The following KCNMA1 variants were observed in gnomAD, a reference collection of about 807,000 sequenced individuals.
The protein encoded by KCNMA1 is potassium calcium-activated channel subfamily M alpha 1.
Under a neutral mutation model 140.0 loss-of-function variants are expected in KCNMA1, and 29 were observed. That is an observed-to-expected ratio of 0.21 (90% CI 0.15 to 0.28). The LOEUF (loss-of-function observed/expected upper bound fraction) is 0.28, where lower values mean the gene tolerates loss of function less well. KCNMA1 is among the 10% of genes least tolerant of loss of function. KCNMA1 has a pLI of 1.00. For missense variants in KCNMA1, 880 were observed against 1,602.2 expected (o/e 0.55, Z 7.70); for synonymous variants, 612 against 611.9 (o/e 1.00, Z 0.00).
chr10:77,336,287 T>C (rs1372453986), intron 2 of KCNMA1, among the ~76,000 whole-genome samples: 1 of 152,050 alleles, frequency 6.6e-6, no homozygotes, highest in Non-Finnish European at 1.5e-5. Context: ...CCACAGAGGA[T>C]CCTGCCCTAA....
At chr10:77,171,396 T>TGTGTGC (rs759762508) in intron 5 of KCNMA1, among the ~76,000 whole-genome samples, 1 of 72,282 alleles carries the variant, frequency 1.4e-5, no homozygotes, top group Non-Finnish European at 3.0e-5. Context: ...CGTGTGTGTG[T>TGTGTGC]GTGCGTGTGT....
intron 1 of KCNMA1, among the ~76,000 whole-genome samples, chr10:77,506,968 T>C (rs2046373778): frequency 6.6e-6 from 1 of 151,970 alleles, no homozygotes; most frequent in South Asian, 2.1e-4. Flanking sequence ...TCTCTCTGGC[T>C]CAGTGTTTGA....
At chr10:77,421,794 C>G (rs556335020) in intron 1 of KCNMA1, among the ~76,000 whole-genome samples, 2 of 152,208 alleles carry the variant, frequency 1.3e-5, no homozygotes, top group African/African-American at 4.8e-5. Flanking sequence ...TTCCTAGAGA[C>G]GGAAGCCACG....
intron 23 of KCNMA1, among the ~76,000 whole-genome samples, chr10:76,941,463 G>T (rs2152840054): frequency 6.6e-6 from 1 of 152,304 alleles, no homozygotes; most frequent in South Asian, 2.1e-4. Flanking sequence ...GTGAGCTCTG[G>T]GGAAGGAGCG....
intron 1 of KCNMA1, among the ~76,000 whole-genome samples, chr10:77,535,405 AAGGAAGTG>A (rs2058669322): frequency 6.6e-6 from 1 of 152,246 alleles, no homozygotes; most frequent in Non-Finnish European, 1.5e-5. Context: ...AAATGCTGGC[AAGGAAGTG>A]GAGAACAGGG....
At chr10:77,487,418 T>C (rs2098473952) in intron 1 of KCNMA1, among the ~76,000 whole-genome samples, 1 of 151,928 alleles carries the variant, frequency 6.6e-6, no homozygotes, top group African/African-American at 2.4e-5. Context: ...CTTCAAAAAG[T>C]ATATACTTTT....
At chr10:77,250,455 G>T (rs1255869033) in intron 3 of KCNMA1, 1 of 152,622 alleles carries the variant, frequency 6.6e-6, no homozygotes, top group African/African-American at 2.4e-5. Flanking sequence ...CAGGAATCAG[G>T]GCAGAACTGG....
At chr10:77,630,642 T>C (rs2093071856) in intron 1 of KCNMA1, among the ~76,000 whole-genome samples, 1 of 152,196 alleles carries the variant, frequency 6.6e-6, no homozygotes, top group Admixed American at 6.5e-5. Context: ...TCTTCAGGGA[T>C]GGACTGCACG....
At chr10:77,090,763 C>T in intron 9 of KCNMA1, 2 of 560,526 alleles carry the variant, frequency 3.6e-6, no homozygotes, top group Non-Finnish European at 6.4e-6. Context: ...ATTAAAAGCC[C>T]AACTGTTTGG....
intron 1 of KCNMA1, among the ~76,000 whole-genome samples, chr10:77,455,802 TG>T (rs1457572068): frequency 6.6e-6 from 1 of 152,160 alleles, no homozygotes; most frequent in Non-Finnish European, 1.5e-5. Context: ...ACTGCTGCAC[TG>T]GGTGGAAATT....
At chr10:77,210,953 TAGGA>T (rs1049572736) in intron 3 of KCNMA1, among the ~76,000 whole-genome samples, 2 of 152,168 alleles carry the variant, frequency 1.3e-5, no homozygotes, top group Non-Finnish European at 2.9e-5. Flanking sequence ...TGCTCATGGA[TAGGA>T]AGACTGAATA....
intron 25 of KCNMA1, among the ~76,000 whole-genome samples, chr10:76,909,015 A>G (rs1340203454): frequency 6.6e-6 from 1 of 152,162 alleles, no homozygotes; most frequent in Non-Finnish European, 1.5e-5. Context: ...CTAGATGCAC[A>G]TCAAGTTATA....
At chr10:77,189,746 A>G (rs905214038) in intron 3 of KCNMA1, among the ~76,000 whole-genome samples, 1 of 152,084 alleles carries the variant, frequency 6.6e-6, no homozygotes, top group African/African-American at 2.4e-5. Context: ...GGCCCTCTCA[A>G]TTCCCACCAG....
Position 77,429,820 on chromosome 10 carries a change from G to A in KCNMA1, c.379-25797C>T, listed in dbSNP as rs557840074. Among the ~76,000 whole-genome samples, 4 of 152,054 alleles carry A rather than the reference G, an allele frequency of 2.6e-5. No homozygotes were observed. The South Asian group carries it at 8.3e-4, about 32-fold the overall frequency. On this transcript the variant is annotated intron_variant, in intron 1 of 27. Coordinates refer to ENST00000286628, the MANE Select transcript of KCNMA1 (RefSeq NM_001161352.2). ...GTATCTATCATATATGTATATATAT[G>A]ATATATCAGGCAACCCAACCTTTCC...
At chr10:77,390,646 T>C (rs1393185773) in intron 2 of KCNMA1, among the ~76,000 whole-genome samples, 2 of 152,220 alleles carry the variant, frequency 1.3e-5, no homozygotes, top group Admixed American at 1.3e-4. Flanking sequence ...TAATTAGCTC[T>C]GGACAGACTC....
chr10:76,872,197 G>C (rs1344856918), downstream of KCNMA1: 1 of 152,308 alleles, frequency 6.6e-6, no homozygotes, highest in African/African-American at 2.4e-5. Context: ...TACTTTGTGA[G>C]TTTGTTGCTG....
At chr10:77,509,373 C>T (rs1319183889) in intron 1 of KCNMA1, among the ~76,000 whole-genome samples, 2 of 152,134 alleles carry the variant, frequency 1.3e-5, no homozygotes, top group African/African-American at 2.4e-5. Context: ...CTGACTCAGC[C>T]TCTCAAAGTT....
intron 1 of KCNMA1, among the ~76,000 whole-genome samples, chr10:77,420,322 A>C (rs2096840436): frequency 1.3e-5 from 2 of 152,242 alleles, no homozygotes. Context: ...GAGGCTGTTA[A>C]TAGACCTGTC....
At chr10:77,178,132 C>G (rs1197254794) in intron 5 of KCNMA1, among the ~76,000 whole-genome samples, 1 of 152,096 alleles carries the variant, frequency 6.6e-6, no homozygotes, top group African/African-American at 2.4e-5. Context: ...GGTCTAAGGC[C>G]AGTTCTGATA....
Sources: allele counts gnomAD v4.1 joint callset (sites outside exome capture counted in the v4.1 genomes callset), GRCh38; gene constraint gnomAD v4.1.1; transcripts MANE v1.5; gene names NCBI Gene and HGNC (gene_info 2026-07-23, HGNC 2026-07-21).